Variants in MGA observed in about 807,000 individuals in gnomAD.
MGA encodes MAX gene-associated protein.
In MGA, 40 loss-of-function variants were observed where a neutral mutation model predicts 261.1. That is an observed-to-expected ratio of 0.15 (90% CI 0.12 to 0.20). MGA has a LOEUF of 0.20. MGA is among the 10% of genes least tolerant of loss of function. The pLI, the probability that MGA is intolerant of heterozygous loss-of-function variation, is 1.00. For synonymous variants in MGA, 1,302 were observed against 1,290.6 expected, an observed-to-expected ratio of 1.01 and a Z score of -0.19; for missense variants, 3,397 against 3,630.5, an observed-to-expected ratio of 0.94 and a Z score of 1.65.
chr15:41,754,803 T>C (rs760509771), intron 18 of MGA, among the ~76,000 whole-genome samples: 5 of 152,138 alleles, frequency 3.3e-5, no homozygotes, highest in African/African-American at 4.8e-5. Flanking sequence ...GATAGACTGG[T>C]ATTATAAAAT....
At chr15:41,747,031 T>A (rs575423212) in intron 15 of MGA, among the ~76,000 whole-genome samples, 1 of 152,052 alleles carries the variant, frequency 6.6e-6, no homozygotes, top group East Asian at 1.9e-4. Context: ...TATTTCGAAA[T>A]ATGTCTTCCA....
chr15:41,649,585 G>A (rs1029738385), intron 1 of MGA, among the ~76,000 whole-genome samples: 1 of 152,162 alleles, frequency 6.6e-6, no homozygotes, highest in Non-Finnish European at 1.5e-5. Context: ...ACTTGATGTA[G>A]AAGGAAGGGA....
intron 1 of MGA, among the ~76,000 whole-genome samples, chr15:41,644,848 T>C (rs1198822997): frequency 1.3e-5 from 2 of 152,144 alleles, no homozygotes; most frequent in Non-Finnish European, 2.9e-5. Flanking sequence ...TTGGAGATAA[T>C]ACGTTAACCC....
At chr15:41,627,798 T>G (rs2056490917) in intron 1 of MGA, among the ~76,000 whole-genome samples, 1 of 152,248 alleles carries the variant, frequency 6.6e-6, no homozygotes. Flanking sequence ...TAGCTTATTT[T>G]AACAGTCTTT....
chr15:41,680,894 C>G (rs954268322), intron 2 of MGA, among the ~76,000 whole-genome samples: 21 of 152,176 alleles, frequency 1.4e-4, no homozygotes. Context: ...AGAGGTTGAG[C>G]TGGCTCAGAG....
intron 15 of MGA, among the ~76,000 whole-genome samples, chr15:41,748,324 C>T (rs993288926): frequency 2.6e-4 from 39 of 151,896 alleles, no homozygotes; most frequent in Non-Finnish European, 5.9e-5. Flanking sequence ...AGGCCGAGAA[C>T]GGCAGATCAC....
At chr15:41,723,965 GTT>G (rs79177668) in intron 9 of MGA, among the ~76,000 whole-genome samples, 9 of 141,994 alleles carry the variant, frequency 6.3e-5, no homozygotes, top group African/African-American at 2.0e-4. Flanking sequence ...TATCTTAAGA[GTT>G]TTTTTTTTTT....
chr15:41,679,531 C>G (rs1409079959), intron 2 of MGA, among the ~76,000 whole-genome samples: 1 of 151,890 alleles, frequency 6.6e-6, no homozygotes, highest in South Asian at 2.1e-4. Flanking sequence ...AAATCTATTC[C>G]TAAGTATTTT....
Position 41,750,203 on chromosome 15 carries a change from A to G in MGA, c.6596A>G (p.Glu2199Gly). 6.2e-7 allele frequency: 1 copy of G among 1,613,960 alleles called. No homozygotes were observed. Among genetic ancestry groups the G allele is most frequent in the Non-Finnish European group, 8.5e-7 (1 of 1,179,886 alleles). The change falls in exon 17 of 24, where the codon GAG (glutamate) becomes GGG (glycine). Residue 2199 changes from glutamate to glycine, a missense_variant. Glu to Gly is a moderately conservative substitution (Grantham distance 98). Coordinates refer to ENST00000219905, the MANE Select transcript of MGA (RefSeq NM_001164273.2). ...CAGGAATGTAAGAAAGAGGCAGACGAGCAGTTAATTAAAGAAACAAAGACA... is the reference window on the plus strand; with the variant it reads ...CAGGAATGTAAGAAAGAGGCAGACGGGCAGTTAATTAAAGAAACAAAGACA...
rs572661702 is a variant in MGA at position 41,729,667 on chromosome 15, C to CAAA, written c.3843+327_3843+329dup. ...TGAAACCCTATCTTTACTAAAAATA[C>CAAA]AAAAAAAAAAATTAGCTGGGCCTGG... On this transcript the variant is annotated intron_variant, in intron 11 of 23. Coordinates refer to ENST00000219905, the MANE Select transcript of MGA (RefSeq NM_001164273.2). Among the ~76,000 whole-genome samples the CAAA allele has an allele frequency of 6.6e-4, 95 of 143,626 alleles. No individual in the cohort carries two copies. In the South Asian group the frequency reaches 0.017, roughly 26 times the overall value. 94.2% of individuals were successfully genotyped at this position (143,626 alleles called of 152,430 possible). A position where few individuals can be genotyped will look rare whatever the true frequency, so the allele number is the denominator to read the frequency against.
chr15:41,765,112 C>T, intron 23 of MGA, 50 bp downstream of exon 23: 3 of 1,580,606 alleles, frequency 1.9e-6, no homozygotes, highest in African/African-American at 1.3e-5. Context: ...TTATCCCTAA[C>T]ATCTCACGGT....
chr15:41,704,517 G>A (rs2060009863), intron 5 of MGA, among the ~76,000 whole-genome samples: 1 of 152,192 alleles, frequency 6.6e-6, no homozygotes. Context: ...AATTAGCCAA[G>A]AGTGGTGGTG....
intron 2 of MGA, among the ~76,000 whole-genome samples, chr15:41,672,720 A>G (rs1011777082): frequency 1.3e-5 from 2 of 152,226 alleles, no homozygotes; most frequent in Admixed American, 6.5e-5. Context: ...AATCTGGCCT[A>G]TAGCCTATTT....
At position 41,696,931 on chromosome 15, in the gene MGA, A is replaced by G; in HGVS notation, c.1921A>G (p.Asn641Asp). ...AGGAAAGTCTTTAATTTCTACAAAG[A>G]ATACACCTGTAAGCCCTGGGAGTAC... The change falls in exon 3 of 24, where the codon AAT becomes GAT. Residue 641 changes from asparagine (N) to aspartate (D), a missense_variant. By Grantham distance (23) the Asn-to-Asp change is conservative. Around this residue, in one of 9 missense-constraint regions of MGA, gnomAD observed 563 missense variants for 563.6 expected, o/e 1.00. Coordinates refer to ENST00000219905, the MANE Select transcript of MGA (RefSeq NM_001164273.2). The G allele has an allele frequency of 6.2e-7, 1 of 1,603,450 alleles. No homozygotes were observed.
chr15:41,655,265 G>A (rs189833430), intron 1 of MGA, among the ~76,000 whole-genome samples: 78 of 146,626 alleles, frequency 5.3e-4, no homozygotes, highest in African/African-American at 1.8e-3. Context: ...TGCAACCTCC[G>A]CCTCCTGAGT....
chr15:41,654,468 A>G (rs1004327047), intron 1 of MGA, among the ~76,000 whole-genome samples: 66 of 152,052 alleles, frequency 4.3e-4, no homozygotes, highest in African/African-American at 1.5e-3. Context: ...CTTTTTTGGG[A>G]TATCTTGCTG....
chr15:41,641,609 C>G (rs984019878), intron 1 of MGA, among the ~76,000 whole-genome samples: 5 of 151,546 alleles, frequency 3.3e-5, no homozygotes, highest in African/African-American at 1.2e-4. Flanking sequence ...CCTGCCTCAG[C>G]CTCCCGAGTA....
At chr15:41,659,765 A>G (rs763178876), upstream of MGA, among the ~76,000 whole-genome samples, 21 of 152,238 alleles carry the variant, frequency 1.4e-4, no homozygotes, top group African/African-American at 3.9e-4. Context: ...TTTTATCAAG[A>G]TATCTTTCAT....
In MGA at chr15:41,661,607, A is replaced by G. The variant is rs528066670; in HGVS notation, c.-68+1082A>G. Among the ~76,000 whole-genome samples, 16 of 152,280 alleles carry G rather than the reference A, an allele frequency of 1.1e-4. No homozygotes were observed. In the South Asian group the frequency reaches 3.3e-3, roughly 32 times the overall value. The stretch of plus-strand genomic sequence containing the variant: ...ACCAAAGTGCACTCTTTTATTGGGA[A>G]GATAACTTTCCCAAGGTTCGCCTCG... On this transcript the variant is annotated intron_variant, in intron 1 of 23. Transcript: ENST00000219905.
Sources: allele counts gnomAD v4.1 joint callset (sites outside exome capture counted in the v4.1 genomes callset), GRCh38; gene constraint gnomAD v4.1.1; regional missense constraint gnomAD v4.1.1; transcripts MANE v1.5; gene names NCBI Gene and HGNC (gene_info 2026-07-23, HGNC 2026-07-21).